The following CSMD1 variants were observed in gnomAD, a reference collection of about 807,000 sequenced individuals.
CSMD1 encodes CUB and Sushi multiple domains 1.
A neutral mutation model predicts 417.5 loss-of-function variants in CSMD1; 213 were observed. The observed-to-expected ratio is 0.51, with a 90% CI of 0.46 to 0.57. The LOEUF (loss-of-function observed/expected upper bound fraction) is 0.57. Ranked by LOEUF, CSMD1 falls within the 20% of genes least tolerant of loss-of-function variation. CSMD1 has a pLI of 0.00. For missense variants in CSMD1, 6,923 were observed against 4,529.7 expected (o/e 1.53, Z -15.17); for synonymous variants, 2,862 against 1,736.8 (o/e 1.65, Z -16.11).
chr8:3,789,964 C>T (rs1300665907), intron 5 of CSMD1, among the ~76,000 whole-genome samples: 1 of 152,074 alleles, frequency 6.6e-6, no homozygotes, highest in Non-Finnish European at 1.5e-5. Context: ...ATCTCCTGAC[C>T]TTGTGATCCG....
At chr8:4,801,224 G>A (rs956110672) in intron 1 of CSMD1, among the ~76,000 whole-genome samples, 8 of 152,014 alleles carry the variant, frequency 5.3e-5, no homozygotes, top group African/African-American at 1.5e-4. Context: ...ATCTTATTGC[G>A]GCCACCTTGA....
chr8:4,570,492 A>C (rs1321149319), intron 2 of CSMD1, among the ~76,000 whole-genome samples: 1 of 152,100 alleles, frequency 6.6e-6, no homozygotes, highest in East Asian at 1.9e-4. Context: ...AGCTGACTGG[A>C]TCATGTTGGA....
chr8:3,690,206 A>G (rs1022167286), intron 7 of CSMD1, among the ~76,000 whole-genome samples: 7 of 152,170 alleles, frequency 4.6e-5, no homozygotes, highest in East Asian at 3.9e-4. Flanking sequence ...AAAAAATACA[A>G]AAATTAGCCA....
intron 5 of CSMD1, among the ~76,000 whole-genome samples, chr8:3,906,456 G>A (rs1392612564): frequency 6.6e-6 from 1 of 152,070 alleles, no homozygotes; most frequent in Non-Finnish European, 1.5e-5. Context: ...ATCATGATAT[G>A]AATTCTGAAA....
intron 1 of CSMD1, among the ~76,000 whole-genome samples, chr8:4,675,044 G>C (rs1330688719): frequency 6.6e-6 from 1 of 152,204 alleles, no homozygotes; most frequent in Non-Finnish European, 1.5e-5. Context: ...CTTAGTGTTG[G>C]ACGCACAGGG....
Position 3,493,650 on chromosome 8 carries a change from A to G in CSMD1, c.1421T>C (p.Val474Ala). 1 of 1,611,716 alleles carries G rather than the reference A, an allele frequency of 6.2e-7. No homozygotes were observed. Among genetic ancestry groups the G allele is most frequent in the Non-Finnish European group, 8.5e-7 (1 of 1,179,044 alleles). Residue 474 changes from valine (V) to alanine (A), a missense_variant, in exon 11 of 70, where the codon GTG becomes GCG. Physicochemically the swap from Val to Ala is moderately conservative, Grantham distance 64 (BLOSUM62 0). Transcript: ENST00000635120. ...DTLTVGDAGK[V>A]GDTRSVLYVL... Reference sequence around the variant, plus strand: ...GTACAAGACCGATCTGGTGTCTCCCACCTTCCCAGCATCACCAACCGTCAG... The same window carrying G: ...GTACAAGACCGATCTGGTGTCTCCCGCCTTCCCAGCATCACCAACCGTCAG...
intron 7 of CSMD1, among the ~76,000 whole-genome samples, chr8:3,684,322 C>G (rs999465525): frequency 7.1e-6 from 1 of 141,332 alleles, no homozygotes; most frequent in South Asian, 2.2e-4. Flanking sequence ...AAATATATAG[C>G]TATATGTTAT....
intron 33 of CSMD1, among the ~76,000 whole-genome samples, chr8:3,197,696 C>G (rs956848579): frequency 3.3e-5 from 5 of 152,062 alleles, no homozygotes; most frequent in Non-Finnish European, 7.4e-5. Context: ...GATCTCCTGA[C>G]CTCGTGATCC....
At chr8:4,219,353 G>A (rs1274772601) in intron 3 of CSMD1, among the ~76,000 whole-genome samples, 2 of 152,030 alleles carry the variant, frequency 1.3e-5, no homozygotes, top group East Asian at 1.9e-4. Flanking sequence ...CTGGAATTGG[G>A]CACATCCCCC....
intron 2 of CSMD1, among the ~76,000 whole-genome samples, chr8:4,604,868 T>A (rs2617100): frequency 0.42 from 63,823 of 152,134 alleles, 13,572 homozygotes; most frequent in African/African-American, 0.48. Flanking sequence ...AAGGTAATTA[T>A]TGAAGATTTA....
intron 3 of CSMD1, among the ~76,000 whole-genome samples, chr8:4,269,815 G>C (rs1238123033): frequency 6.6e-6 from 1 of 152,140 alleles, no homozygotes; most frequent in Non-Finnish European, 1.5e-5. Context: ...TGAAGTCTCA[G>C]AATTACAAGT....
rs1554475387 is a variant in CSMD1 at position 3,889,494 on chromosome 8, A to ATATATATATATATATAT, written c.818+108408_818+108409insATATATATATATATATA. Among the ~76,000 whole-genome samples, 21 of 38,484 alleles carry ATATATATATATATATAT rather than the reference A, an allele frequency of 5.5e-4. 4 individuals are homozygous for ATATATATATATATATAT. The highest frequency in any genetic ancestry group is 1.1e-3 in the South Asian group (1 of 922). 25.2% of individuals were successfully genotyped at this position (38,484 alleles called of 152,430 possible). On this transcript the variant is annotated intron_variant, in intron 5 of 69. Coordinates refer to ENST00000635120, the MANE Select transcript of CSMD1 (RefSeq NM_033225.6). ...ATATATATATATATATATATATATA[A>ATATATATATATATATAT]AATATGCTCATTAGGTCATGATATA...
chr8:4,346,253 C>A (rs1418638232), intron 3 of CSMD1, among the ~76,000 whole-genome samples: 1 of 152,042 alleles, frequency 6.6e-6, no homozygotes, highest in Non-Finnish European at 1.5e-5. Flanking sequence ...AAATATACAT[C>A]CAAAGAATAA....
chr8:3,482,237 G>A (rs1031959952), intron 11 of CSMD1, among the ~76,000 whole-genome samples: 16 of 151,980 alleles, frequency 1.1e-4, no homozygotes, highest in Admixed American at 5.2e-4. Context: ...ATCAGAGAGA[G>A]GCAGAATGTA....
chr8:4,132,161 T>C (rs1044080356), intron 3 of CSMD1, among the ~76,000 whole-genome samples: 13 of 151,404 alleles, frequency 8.6e-5, no homozygotes, highest in Non-Finnish European at 1.6e-4. Context: ...AGCTGTTGCC[T>C]GTTTGTTTAT....
rs557452513 is a variant in CSMD1 at position 3,901,785 on chromosome 8, T to C, written c.818+96118A>G. Among the ~76,000 whole-genome samples the C allele has an allele frequency of 1.2e-4, 19 of 152,326 alleles. No individual in the cohort carries two copies. In the South Asian group the frequency reaches 3.9e-3, roughly 32 times the overall value. Reference sequence around the variant, plus strand: ...GCCAACATAATTTCTGGCGTCAAAGTGTGGTTTATTAAGCTCTTGGGGTGT... The same window carrying C: ...GCCAACATAATTTCTGGCGTCAAAGCGTGGTTTATTAAGCTCTTGGGGTGT... On this transcript the variant is annotated intron_variant, in intron 5 of 69. Coordinates refer to ENST00000635120, the MANE Select transcript of CSMD1 (RefSeq NM_033225.6).
Position 4,985,705 on chromosome 8 carries a change from G to A in CSMD1, c.85+8627C>T, listed in dbSNP as rs118189623. Among the ~76,000 whole-genome samples the A allele has an allele frequency of 5.8e-3, 889 of 152,264 alleles. 24 individuals carry two copies. Among genetic ancestry groups the A allele is most frequent in the East Asian group, 0.045 (234 of 5,176 alleles). ...CCTTGATATTATTTATATTTTTTAA[G>A]TATGGGGCATTACATTCAAAATCTG... On this transcript the variant is annotated intron_variant, in intron 1 of 69. Coordinates refer to ENST00000635120, the MANE Select transcript of CSMD1 (RefSeq NM_033225.6).
rs1290355402 is a variant in CSMD1 at position 3,486,354 on chromosome 8, G to A, written c.1448+7269C>T. Among the ~76,000 whole-genome samples the A allele has an allele frequency of 3.3e-5, 5 of 152,310 alleles. No individual in the cohort carries two copies. In the East Asian group the frequency reaches 5.8e-4, roughly 18 times the overall value. On this transcript the variant is annotated intron_variant, in intron 11 of 69. Coordinates refer to ENST00000635120, the MANE Select transcript of CSMD1 (RefSeq NM_033225.6). ...GAGAGGGAGTCAGGGATGGTGCACT[G>A]TAAATGCATGCATCTATTGTTTTAA...
At chr8:4,568,424 C>T (rs577827641) in intron 2 of CSMD1, among the ~76,000 whole-genome samples, 7 of 152,288 alleles carry the variant, frequency 4.6e-5, no homozygotes, top group East Asian at 1.9e-4. Flanking sequence ...CCAGCTTCAC[C>T]CATGTCCTTG....
Sources: allele counts gnomAD v4.1 joint callset (sites outside exome capture counted in the v4.1 genomes callset), GRCh38; gene constraint gnomAD v4.1.1; transcripts MANE v1.5; gene names NCBI Gene and HGNC (gene_info 2026-07-23, HGNC 2026-07-21).